The following SNX24 variants were observed in gnomAD, a reference collection of about 807,000 sequenced individuals.
SNX24 encodes sorting nexin 24.
SNX24 carries 22 observed loss-of-function variants against 28.7 expected under a neutral mutation model. That is an observed-to-expected ratio of 0.77 (90% CI 0.55 to 1.10). The LOEUF (loss-of-function observed/expected upper bound fraction) is 1.10. Ranked by LOEUF, SNX24 falls within the 50% of genes least tolerant of loss-of-function variation. The pLI, the probability that SNX24 is intolerant of heterozygous loss-of-function variation, is 0.00. For synonymous variants in SNX24, 69 were observed against 71.5 expected (o/e 0.96, Z 0.18); for missense variants, 221 against 201.1 (o/e 1.10, Z -0.60).
chr5:123,026,076 A>G (rs1317502680), intron 5 of SNX24: 8 of 934,710 alleles, frequency 8.6e-6, no homozygotes, highest in Admixed American at 3.4e-5. Context: ...TATAGGAGGT[A>G]GGGATGGGGA....
intron 1 of SNX24, among the ~76,000 whole-genome samples, chr5:122,865,214 A>G (rs1755660761): frequency 6.6e-6 from 1 of 152,260 alleles, no homozygotes; most frequent in South Asian, 2.1e-4. Context: ...AAAATTAAGC[A>G]TGAAAAGCCT....
At chr5:122,885,492 C>G (rs1394139844) in intron 1 of SNX24, among the ~76,000 whole-genome samples, 3 of 152,118 alleles carry the variant, frequency 2.0e-5, no homozygotes, top group South Asian at 2.1e-4. Context: ...TCCTTTCCCC[C>G]CTTCTAATGC....
chr5:122,919,248 G>A (rs765879158), intron 1 of SNX24, among the ~76,000 whole-genome samples: 6 of 152,190 alleles, frequency 3.9e-5, no homozygotes, highest in Non-Finnish European at 8.8e-5. Context: ...ATGGGCAGTG[G>A]CTTCCGCATT....
At chr5:122,983,051 T>C (rs923326859) in intron 3 of SNX24, 15 of 152,102 alleles carry the variant, frequency 9.9e-5, no homozygotes, top group Non-Finnish European at 1.5e-5. Flanking sequence ...ACACACCTAA[T>C]TCACCAAGAA....
intron 1 of SNX24, among the ~76,000 whole-genome samples, chr5:122,931,416 A>G (rs1758948310): frequency 6.6e-6 from 1 of 152,172 alleles, no homozygotes. Flanking sequence ...ACCTGAATTA[A>G]TACCCTGCTG....
chr5:122,933,895 G>A (rs544166753), intron 1 of SNX24, among the ~76,000 whole-genome samples: 19 of 151,002 alleles, frequency 1.3e-4, no homozygotes, highest in African/African-American at 4.1e-4. Flanking sequence ...CGATTCTCCT[G>A]CCTCAGCCTG....
rs1759198361 is a variant in SNX24 at position 122,936,800 on chromosome 5, C to T, written c.127C>T (p.His43Tyr). The change falls in exon 2 of 7, where the codon CAT becomes TAT. Residue 43 changes from histidine to tyrosine, a missense_variant. Physicochemically the swap from His to Tyr is moderately conservative, Grantham distance 83 (BLOSUM62 2). Coordinates refer to ENST00000261369, the MANE Select transcript of SNX24 (RefSeq NM_014035.4). ...HFVEKRYSEF[H>Y]ALHKKLKKCI... is the part of the protein sequence containing the mutation. ...TGTTGAAAAGAGATACAGCGAATTT[C>T]ATGCTTTGCACAAAAAGGTAACTTG... The T allele has an allele frequency of 6.2e-7, 1 of 1,605,838 alleles. No individual in the cohort carries two copies. The highest frequency in any genetic ancestry group is 8.5e-7 in the Non-Finnish European group (1 of 1,173,882).
chr5:122,959,911 A>G (rs376424024), intron 3 of SNX24, among the ~76,000 whole-genome samples: 2 of 152,192 alleles, frequency 1.3e-5, no homozygotes, highest in African/African-American at 4.8e-5. Flanking sequence ...TTACTAAAGA[A>G]TAGCAGAATC....
At chr5:122,963,079 C>T (rs1364838872) in intron 3 of SNX24, among the ~76,000 whole-genome samples, 2 of 152,092 alleles carry the variant, frequency 1.3e-5, no homozygotes, top group African/African-American at 2.4e-5. Context: ...GCTAAAAATA[C>T]ATTAATTAGC....
At chr5:122,875,437 A>G (rs1375230514) in intron 1 of SNX24, among the ~76,000 whole-genome samples, 1 of 152,216 alleles carries the variant, frequency 6.6e-6, no homozygotes, top group African/African-American at 2.4e-5. Context: ...TTTTACCATA[A>G]TTTGCTTGGG....
chr5:122,872,704 G>C (rs1314932585), intron 1 of SNX24, among the ~76,000 whole-genome samples: 1 of 152,068 alleles, frequency 6.6e-6, no homozygotes, highest in Non-Finnish European at 1.5e-5. Context: ...AAGAAAGTCT[G>C]TATACATTCA....
rs147683777 is a variant in SNX24, at chr5:122,865,585, C to T, written c.60+19892C>T. 3.0e-3 allele frequency among the ~76,000 whole-genome samples: 457 copies of T among 152,272 alleles called. 1 individual carries two copies. The highest frequency in any genetic ancestry group is 5.0e-3 in the Non-Finnish European group (341 of 68,010). Reference sequence around the variant, plus strand: ...AACTTTGGACCTCAGGTGATCCACCCGCCTTGGCCTCCCAAAGTACTGGAA... The same window carrying T: ...AACTTTGGACCTCAGGTGATCCACCTGCCTTGGCCTCCCAAAGTACTGGAA... On this transcript the variant is annotated intron_variant, in intron 1 of 6. Coordinates refer to ENST00000261369, the MANE Select transcript of SNX24 (RefSeq NM_014035.4).
At chr5:122,886,032 G>GC (rs1488983209) in intron 1 of SNX24, among the ~76,000 whole-genome samples, 1 of 152,152 alleles carries the variant, frequency 6.6e-6, no homozygotes, top group Non-Finnish European at 1.5e-5. Flanking sequence ...TTTCCCCGCG[G>GC]CCCAGGGGTT....
downstream of SNX24, among the ~76,000 whole-genome samples, chr5:123,014,065 G>T (rs1017019720): frequency 6.6e-6 from 1 of 152,172 alleles, no homozygotes; most frequent in Non-Finnish European, 1.5e-5. Flanking sequence ...CCAATTTAAA[G>T]TGATTAAAAG....
chr5:122,998,303 T>TA (rs1331537262), intron 3 of SNX24: 1 of 152,178 alleles, frequency 6.6e-6, no homozygotes, highest in Non-Finnish European at 1.5e-5. Flanking sequence ...TAGAGAGTGA[T>TA]ACGCTATTTC....
intron 1 of SNX24, among the ~76,000 whole-genome samples, chr5:122,892,331 C>T (rs1757008924): frequency 6.6e-6 from 1 of 152,066 alleles, no homozygotes; most frequent in Non-Finnish European, 1.5e-5. Flanking sequence ...ACCCTTTTGA[C>T]CCAGTGGTTA....
chr5:123,001,071 G>A (rs1762227335), intron 4 of SNX24, among the ~76,000 whole-genome samples: 1 of 152,184 alleles, frequency 6.6e-6, no homozygotes, highest in Non-Finnish European at 1.5e-5. Flanking sequence ...GTATTTACGG[G>A]CAGGTTAGGC....
intron 1 of SNX24, among the ~76,000 whole-genome samples, chr5:122,903,901 C>T (rs79879214): frequency 0.028 from 4,280 of 152,112 alleles, 177 homozygotes; most frequent in African/African-American, 0.084. Context: ...TGTTCTAAGC[C>T]TCTTCCTAGG....
intron 2 of SNX24, among the ~76,000 whole-genome samples, chr5:122,938,460 G>T (rs1010088556): frequency 2.0e-5 from 3 of 152,120 alleles, no homozygotes; most frequent in South Asian, 2.1e-4. Context: ...GAATATTGTT[G>T]GCAGCCTTGT....
Sources: allele counts gnomAD v4.1 joint callset (sites outside exome capture counted in the v4.1 genomes callset), GRCh38; gene constraint gnomAD v4.1.1; transcripts MANE v1.5; gene names NCBI Gene and HGNC (gene_info 2026-07-23, HGNC 2026-07-21).